UBR4: variants seen among roughly 807,000 people sequenced by gnomAD.
UBR4 encodes the protein E3 ubiquitin-protein ligase UBR4.
UBR4 carries 124 observed loss-of-function variants against 575.6 expected under a neutral mutation model. The ratio of observed to expected loss-of-function variants is 0.22; its 90% CI spans 0.19 to 0.25. UBR4 has a LOEUF of 0.25. UBR4 is among the 10% of genes least tolerant of loss of function. The pLI is 1.00. For missense variants in UBR4, 4,818 were observed against 6,478.8 expected, an observed-to-expected ratio of 0.74 and a Z score of 8.80; for synonymous variants, 2,455 against 2,473.7, an observed-to-expected ratio of 0.99 and a Z score of 0.22.
chr1:19,128,957 T>C, intron 61 of UBR4, 21 bp downstream of exon 61: 1 of 1,604,104 alleles, frequency 6.2e-7, no homozygotes, highest in Non-Finnish European at 8.5e-7. Flanking sequence ...CTGACAGAGA[T>C]CCAGGTGAGC....
Position 19,193,707 on chromosome 1 carries a change from C to T in UBR4, c.1019-150G>A, listed in dbSNP as rs74968224. On this transcript the variant is annotated intron_variant, in intron 8 of 105. Transcript: ENST00000375254. The stretch of plus-strand genomic sequence containing the variant: ...TAAGAGCAAGACTAAATAGGTTTAC[C>T]ATACAATTCAGTAACCAGACTCCTA... 8.4e-3 allele frequency: 9,431 copies of T among 1,123,598 alleles called. 529 individuals carry two copies. In the African/African-American group the frequency reaches 0.12, roughly 14 times the overall value. The allele number at this position is 1,123,598 out of a possible 1,614,324, so 69.6% of individuals were successfully genotyped here. A position where few individuals can be genotyped will look rare whatever the true frequency, so the allele number is the denominator to read the frequency against.
At chr1:19,162,292 G>C in intron 35 of UBR4, 128 bp downstream of exon 35, 1 of 1,157,514 alleles carries the variant, frequency 8.6e-7, no homozygotes. Context: ...GAAAATTGGG[G>C]CCTGGCAGCA....
At chr1:19,138,823 G>C (rs1455213492) in intron 59 of UBR4, among the ~76,000 whole-genome samples, 2 of 152,118 alleles carry the variant, frequency 1.3e-5, no homozygotes, top group African/African-American at 4.8e-5. Flanking sequence ...GCATGTCATT[G>C]CTTTTTTTCC....
At chr1:19,165,456 G>A in intron 30 of UBR4, 107 bp from the exon 31 acceptor site, 3 of 1,111,336 alleles carry the variant, frequency 2.7e-6, no homozygotes, top group Non-Finnish European at 4.0e-6. Flanking sequence ...GACCACTTAT[G>A]AGTCAATAGC....
chr1:19,148,154 A>G, intron 50 of UBR4, 27 bp from the exon 51 acceptor site: 1 of 1,589,174 alleles, frequency 6.3e-7, no homozygotes, highest in Non-Finnish European at 8.6e-7. Context: ...CAGGGTTATC[A>G]CTAACCCCAC....
chr1:19,178,030 A>G (rs1471524458), intron 18 of UBR4, among the ~76,000 whole-genome samples: 1 of 152,116 alleles, frequency 6.6e-6, no homozygotes, highest in African/African-American at 2.4e-5. Flanking sequence ...GTTAATGCCC[A>G]CCCTGTCATT....
In UBR4 at chr1:19,140,859, A is replaced by G. The variant is rs1379560778; in HGVS notation, c.8522T>C (p.Leu2841Pro). The change falls in exon 58 of 106, where the codon CTG becomes CCG. Residue 2841 changes from leucine to proline, a missense_variant. By Grantham distance (98) the Leu-to-Pro change is moderately conservative. Transcript: ENST00000375254. ...GCTGGGTGCCTGGCCGGACAGTCCC[A>G]GGCTCTGCAGGCCCAGGGCACTGCT... is the stretch of plus-strand genomic sequence containing the variant. ...SSSSALGLQS[L>P]GLSGQAPSSS... 5 of 1,612,082 alleles carry G rather than the reference A, an allele frequency of 3.1e-6. No individual in the cohort carries two copies. The African/African-American group carries it at 4.0e-5, about 13-fold the overall frequency.
chr1:19,111,427 A>G (rs1475140620), intron 78 of UBR4, among the ~76,000 whole-genome samples: 1 of 152,070 alleles, frequency 6.6e-6, no homozygotes, highest in Non-Finnish European at 1.5e-5. Context: ...CTCCAGCTAC[A>G]CGGGTTCCTT....
chr1:19,169,599 G>T, intron 26 of UBR4, 67 bp from the exon 27 acceptor site: 1 of 1,377,138 alleles, frequency 7.3e-7, no homozygotes, highest in Non-Finnish European at 1.0e-6. Flanking sequence ...CATTTTAAAA[G>T]CCAAGCCCAA....
chr1:19,163,873 T>G, intron 33 of UBR4, 46 bp from the exon 34 acceptor site: 2 of 1,601,156 alleles, frequency 1.2e-6, no homozygotes, highest in Non-Finnish European at 1.7e-6. Flanking sequence ...CACAAAATCA[T>G]CGAAGAAACC....
At chr1:19,162,059 G>A (rs1352898921) in intron 35 of UBR4, among the ~76,000 whole-genome samples, 162 bp from the exon 36 acceptor site, 2 of 152,220 alleles carry the variant, frequency 1.3e-5, no homozygotes, top group Non-Finnish European at 2.9e-5. Flanking sequence ...CTGAAAATCT[G>A]TTGTTACTTC....
intron 55 of UBR4, among the ~76,000 whole-genome samples, chr1:19,143,232 A>C (rs867104691): frequency 2.2e-4 from 25 of 112,680 alleles, no homozygotes; most frequent in Admixed American, 3.8e-4. Context: ...GGAAGGAAGG[A>C]AGGCAGGAAG....
chr1:19,129,160 G>T (rs2082146594), intron 60 of UBR4, 86 bp from the exon 61 acceptor site: 3 of 1,129,520 alleles, frequency 2.7e-6, no homozygotes, highest in East Asian at 5.0e-5. Flanking sequence ...ACCCCACCCT[G>T]CTACCAAGGT....
intron 1 of UBR4, among the ~76,000 whole-genome samples, chr1:19,204,528 A>G (rs1054017785): frequency 5.6e-5 from 6 of 107,550 alleles, no homozygotes; most frequent in Admixed American, 1.9e-4. Context: ...TGAAATATAT[A>G]AAAAAAAATA....
chr1:19,197,882 A>G (rs2151609904), intron 6 of UBR4, 65 bp downstream of exon 6: 3 of 1,612,224 alleles, frequency 1.9e-6, no homozygotes, highest in South Asian at 2.2e-5. Context: ...CATATGACAG[A>G]AGCACACTTA....
chr1:19,200,007 T>A (rs939474681), intron 2 of UBR4, among the ~76,000 whole-genome samples: 4 of 152,222 alleles, frequency 2.6e-5, no homozygotes, highest in Non-Finnish European at 5.9e-5. Flanking sequence ...ACTTCAAAGG[T>A]ATTAACTCAT....
intron 60 of UBR4, among the ~76,000 whole-genome samples, chr1:19,132,189 T>C (rs993450492): frequency 1.1e-4 from 16 of 152,102 alleles, no homozygotes; most frequent in African/African-American, 3.6e-4. Context: ...TTTTTGTTTG[T>C]TTGTTTTTTT....
rs2149927631 is a variant in UBR4 at position 19,139,258 on chromosome 1, A to T, written c.8594-38T>A. On this transcript the variant is annotated intron_variant, in intron 58 of 105. Transcript: ENST00000375254. This position sits in a 1 kb window ranked among gnomAD's most constrained non-coding sequence, Gnocchi z 4.2. The stretch of plus-strand genomic sequence containing the variant: ...CGAGAGCTGTTACAGGTTAAAAAAC[A>T]AACAAACAAACAAACAAACAAAAAA... 1 of 1,531,670 alleles carries T rather than the reference A, an allele frequency of 6.5e-7. No homozygotes were observed. The highest frequency in any genetic ancestry group is 2.3e-5 in the East Asian group (1 of 43,158). 94.9% of individuals were successfully genotyped at this position (1,531,670 alleles called of 1,614,324 possible).
Position 19,099,084 on chromosome 1 carries a change from C to T in UBR4, c.13302+513G>A, listed in dbSNP as rs941755968. 3.9e-5 allele frequency among the ~76,000 whole-genome samples: 6 copies of T among 152,200 alleles called. 1 individual carries two copies. The highest frequency in any genetic ancestry group is 7.3e-5 in the Non-Finnish European group (5 of 68,032). ...CTCGTGGTGGCCAAAAGGCCCAGAG[C>T]GCTGGACTTCCTTCATTTCCCTTTT... On this transcript the variant is annotated intron_variant, in intron 90 of 105. Coordinates refer to ENST00000375254, the MANE Select transcript of UBR4 (RefSeq NM_020765.3).
Sources: gnomAD v4.1 joint callset for allele counts (sites outside exome capture counted in the v4.1 genomes callset) on GRCh38, gnomAD v4.1.1 for gene constraint, Gnocchi (gnomAD v3.1) non-coding constraint, MANE v1.5 for transcripts, NCBI Gene and HGNC (gene_info 2026-07-23, HGNC 2026-07-21) for gene names.